The following ZFAND2B variants were observed in gnomAD, a reference collection of about 807,000 sequenced individuals.
ZFAND2B encodes AN1-type zinc finger protein 2B.
ZFAND2B carries 27 observed loss-of-function variants against 38.2 expected under a neutral mutation model. The observed-to-expected ratio is 0.71, with a 90% CI of 0.52 to 0.97. The LOEUF (loss-of-function observed/expected upper bound fraction) is 0.97, where lower values mean the gene tolerates loss of function less well. ZFAND2B is among the 50% of genes least tolerant of loss of function. The pLI is 0.00. For missense variants in ZFAND2B, 303 were observed against 331.5 expected, an observed-to-expected ratio of 0.91 and a Z score of 0.67; for synonymous variants, 111 against 119.4, an observed-to-expected ratio of 0.93 and a Z score of 0.46.
In ZFAND2B at chr2:219,208,500, A is replaced by T; in HGVS notation, c.588+14A>T. The T allele has an allele frequency of 6.2e-7, 1 of 1,614,232 alleles. No individual in the cohort carries two copies. On this transcript the variant is annotated intron_variant, in intron 6 of 8. Transcript: ENST00000289528. ...CAGAATGGCCTGGTGAGTTGGGCAGAGGTTGGATGGACAGAAACAAACACA... is the reference window on the plus strand; with the variant it reads ...CAGAATGGCCTGGTGAGTTGGGCAGTGGTTGGATGGACAGAAACAAACACA...
chr2:219,208,329 T>C lies in ZFAND2B; in HGVS notation c.508T>C (p.Ser170Pro). The C allele has an allele frequency of 6.2e-7, 1 of 1,614,134 alleles. No individual in the cohort carries two copies. The change falls in exon 5 of 9, where the codon TCC becomes CCC. Residue 170 changes from serine (S) to proline (P), a missense_variant. Physicochemically the swap from Ser to Pro is moderately conservative, Grantham distance 74. Coordinates refer to ENST00000289528, the MANE Select transcript of ZFAND2B (RefSeq NM_138802.3). Reference sequence around the variant, plus strand: ...CCCCAGCCCAAGTCAAACCATGCCTTCCTGTACCTCTCCCAGCAGGTAGGC... The same window carrying C: ...CCCCAGCCCAAGTCAAACCATGCCTCCCTGTACCTCTCCCAGCAGGTAGGC... ...TVPSPSQTMP[S>P]CTSPSRATTR...
rs1950534974 is a variant in ZFAND2B, at chr2:219,209,008, C to A, written c.688C>A (p.Gln230Lys). ...CQEEEDLALA[Q>K]ALSASEAEYQ... ...GGAGGAAGAAGACCTAGCTTTAGCACAAGCACTGTCAGCCAGTGAGGCAGA... is the reference window on the plus strand; with the variant it reads ...GGAGGAAGAAGACCTAGCTTTAGCAAAAGCACTGTCAGCCAGTGAGGCAGA... The change falls in exon 8 of 9, where the codon CAA becomes AAA. Residue 230 changes from glutamine to lysine, a missense_variant. Gln to Lys is a moderately conservative substitution (Grantham distance 53, BLOSUM62 1). Coordinates refer to ENST00000289528, the MANE Select transcript of ZFAND2B (RefSeq NM_138802.3). 1 of 1,614,082 alleles carries A rather than the reference C, an allele frequency of 6.2e-7. No homozygotes were observed. The highest frequency in any genetic ancestry group is 1.7e-5 in the Admixed American group (1 of 59,994).
chr2:219,207,749 T>A lies in ZFAND2B; in HGVS notation c.252T>A (p.Cys84Ter). The change falls in exon 3 of 9, where the codon TGT (cysteine) becomes TGA (stop). Residue 84 changes from cysteine (C) to a stop codon, truncating the protein, a stop_gained. Transcript: ENST00000289528. LOFTEE classifies it high-confidence loss of function. Reference protein sequence around the residue: ...RAVGEHIDRDCRSDPAQQKRK... With the variant: ...RAVGEHIDRD ...TGGGAGAGCACATTGACAGAGACTG[T>A]CGCTCTGATCCAGCACAGCAAAAAC... 6.2e-7 allele frequency: 1 copy of A among 1,614,086 alleles called. No individual in the cohort carries two copies. Among genetic ancestry groups the A allele is most frequent in the Non-Finnish European group, 8.5e-7 (1 of 1,180,036 alleles).
rs1287190879 is a variant in ZFAND2B at position 219,209,459 on chromosome 2, C to T, written c.*153C>T. On this transcript the variant is annotated 3_prime_UTR_variant, in exon 9 of 9. Coordinates refer to ENST00000289528, the MANE Select transcript of ZFAND2B (RefSeq NM_138802.3). ...CCCTGGGAGCCTCTGGAAGGCCTTGCTAGTGCTCCAGCTGCATGGAAGAGA... is the reference window on the plus strand; with the variant it reads ...CCCTGGGAGCCTCTGGAAGGCCTTGTTAGTGCTCCAGCTGCATGGAAGAGA... The T allele has an allele frequency of 6.7e-6, 6 of 897,194 alleles. 1 individual carries two copies. The highest frequency in any genetic ancestry group is 4.0e-5 in the Admixed American group (2 of 50,018). The allele number at this position is 897,194 out of a possible 1,614,324, so 55.6% of individuals were successfully genotyped here.
chr2:219,207,919 C>T lies in ZFAND2B; in HGVS notation c.315C>T (p.Cys105=), dbSNP rs369213476. ...IFTNKCERAG[C]RQREMMKLTC... ...CCAATAAGTGTGAACGCGCTGGCTGCCGGCAGCGAGAAATGATGAAACTGA... is the reference window on the plus strand; with the variant it reads ...CCAATAAGTGTGAACGCGCTGGCTGTCGGCAGCGAGAAATGATGAAACTGA... The change falls in exon 4 of 9, where the codon TGC becomes TGT. Residue 105 remains cysteine (C), a synonymous_variant. Coordinates refer to ENST00000289528, the MANE Select transcript of ZFAND2B (RefSeq NM_138802.3). 9 of 1,614,022 alleles carry T rather than the reference C, an allele frequency of 5.6e-6. No homozygotes were observed. The highest frequency in any genetic ancestry group is 1.1e-5 in the South Asian group (1 of 91,090).
chr2:219,207,858 G>C (rs747567682), intron 3 of ZFAND2B, 29 bp from the exon 4 acceptor site: 2 of 1,613,986 alleles, frequency 1.2e-6, no homozygotes, highest in Non-Finnish European at 1.7e-6. Context: ...CAGAGTCTCA[G>C]CAGAGACAAC....
chr2:219,207,185 G>T (rs1950498104), intron 1 of ZFAND2B, 142 bp from the exon 2 acceptor site: 2 of 1,347,940 alleles, frequency 1.5e-6, no homozygotes, highest in Admixed American at 3.8e-5. Context: ...GGCAGAGGGG[G>T]CGTGGCCAAG....
chr2:219,208,146 G>A, intron 4 of ZFAND2B, 108 bp downstream of exon 4: 4 of 1,597,302 alleles, frequency 2.5e-6, no homozygotes, highest in Non-Finnish European at 3.4e-6. Context: ...TGTCGGCTAG[G>A]GGAGTCTTTT....
At position 219,207,038 on chromosome 2, in the gene ZFAND2B, C is replaced by A. The variant is rs755506867; in HGVS notation, c.51C>A (p.Arg17=). The A allele has an allele frequency of 1.7e-5, 27 of 1,602,886 alleles. No homozygotes were observed. Among genetic ancestry groups the A allele is most frequent in the Non-Finnish European group, 2.2e-5 (26 of 1,174,932 alleles). Residue 17 remains arginine, a synonymous_variant, in exon 1 of 9, where the codon CGC becomes CGA. Coordinates refer to ENST00000289528, the MANE Select transcript of ZFAND2B (RefSeq NM_138802.3). ...ACTGTTCGGAGCCGAGCTGTCAGCG[C>A]TTGGGTGAGGGGCGGAGCGCGCGGG... ...GAHCSEPSCQ[R]LDFLPLKCDA...
At chr2:219,209,173 A>G in intron 8 of ZFAND2B, 89 bp from the exon 9 acceptor site, 1 of 1,567,842 alleles carries the variant, frequency 6.4e-7, no homozygotes, top group Non-Finnish European at 8.7e-7. Flanking sequence ...GTATGACTCC[A>G]GCCCATGCTG....
intron 7 of ZFAND2B, 99 bp downstream of exon 7, chr2:219,208,738 C>T: frequency 1.4e-6 from 2 of 1,387,020 alleles, no homozygotes; most frequent in South Asian, 1.2e-5. Context: ...AAGATAATCG[C>T]TGGCAACTTG....
Position 219,208,302 on chromosome 2 carries a change from G to C in ZFAND2B, c.481G>C (p.Val161Leu). 6.2e-7 allele frequency: 1 copy of C among 1,614,094 alleles called. No individual in the cohort carries two copies. Residue 161 changes from valine (V) to leucine (L), a missense_variant, in exon 5 of 9, where the codon GTC (valine) becomes CTC (leucine). Val to Leu is a conservative substitution (Grantham distance 32). Coordinates refer to ENST00000289528, the MANE Select transcript of ZFAND2B (RefSeq NM_138802.3). ...ACAAGCTGTGGCTTCTACAAGCACT[G>C]TCCCCAGCCCAAGTCAAACCATGCC... ...RAQAVASTST[V>L]PSPSQTMPSC...
Position 219,209,397 on chromosome 2 carries a change from TG to T in ZFAND2B, c.*93del, listed in dbSNP as rs1559233171. The T allele has an allele frequency of 6.7e-7, 1 of 1,486,814 alleles. No individual in the cohort carries two copies. Among genetic ancestry groups the T allele is most frequent in the African/African-American group, 1.4e-5 (1 of 72,622 alleles). 92.1% of individuals were successfully genotyped at this position (1,486,814 alleles called of 1,614,324 possible). ...CAGGGAGAGGAGGCCCGGAGCACCCTGGAGGGCAGAGACAAGCGGGAGTGAT... is the reference window on the plus strand; with the variant it reads ...CAGGGAGAGGAGGCCCGGAGCACCCTGAGGGCAGAGACAAGCGGGAGTGAT... On this transcript the variant is annotated 3_prime_UTR_variant, in exon 9 of 9. Coordinates refer to ENST00000289528, the MANE Select transcript of ZFAND2B (RefSeq NM_138802.3).
rs1950491024 is a variant in ZFAND2B, at chr2:219,206,896, A to G, written c.-92A>G. ...GAAGGGGCGGGGCAGGGAGCCCGCC[A>G]GAGTGCGGGGTCGCGGTGCGGACTT... On this transcript the variant is annotated 5_prime_UTR_variant, in exon 1 of 9. Transcript: ENST00000289528. 3.6e-6 allele frequency: 5 copies of G among 1,383,650 alleles called. No individual in the cohort carries two copies. Among genetic ancestry groups the G allele is most frequent in the Non-Finnish European group, 5.0e-6 (5 of 1,006,218 alleles). The allele number at this position is 1,383,650 out of a possible 1,614,324, so 85.7% of individuals were successfully genotyped here.
At chr2:219,208,777 C>T in intron 7 of ZFAND2B, 138 bp downstream of exon 7, 4 of 1,135,028 alleles carry the variant, frequency 3.5e-6, no homozygotes, top group Non-Finnish European at 3.9e-6. Context: ...ACTATATGAT[C>T]TTTGACAAGT....
chr2:219,207,576 C>CCTGA, intron 2 of ZFAND2B, 72 bp from the exon 3 acceptor site: 1 of 1,602,012 alleles, frequency 6.2e-7, no homozygotes, highest in South Asian at 1.1e-5. Flanking sequence ...GGGTCATATC[C>CCTGA]AAGTTCTTTC....
intron 6 of ZFAND2B, 42 bp from the exon 7 acceptor site, chr2:219,208,530 G>A (rs1195075355): frequency 1.9e-6 from 3 of 1,614,216 alleles, no homozygotes; most frequent in Admixed American, 1.7e-5. Flanking sequence ...AACACACAGA[G>A]AGTGAAGTCC....
At chr2:219,208,219 T>C (rs1221117963) in intron 4 of ZFAND2B, 37 bp from the exon 5 acceptor site, 2 of 1,612,722 alleles carry the variant, frequency 1.2e-6, no homozygotes, top group East Asian at 4.5e-5. Context: ...GTAAGGCTAG[T>C]TCTTGGAGAC....
chr2:219,207,107 G>A, intron 1 of ZFAND2B, 65 bp downstream of exon 1: 6 of 1,328,848 alleles, frequency 4.5e-6, no homozygotes, highest in Admixed American at 2.1e-5. Flanking sequence ...CAGGTTGGGA[G>A]GGAAGGGTGG....
Sources: gnomAD v4.1 joint callset for allele counts on GRCh38, gnomAD v4.1.1 for gene constraint, MANE v1.5 for transcripts, NCBI Gene and HGNC (gene_info 2026-07-23, HGNC 2026-07-21) for gene names.